Variants in CSMD2 observed in about 807,000 individuals in gnomAD.
CSMD2 encodes the protein CUB and Sushi multiple domains 2, also known as CUB and sushi domain-containing protein 2.
In CSMD2, 130 loss-of-function variants were observed where a neutral mutation model predicts 398.5. The ratio of observed to expected loss-of-function variants is 0.33; its 90% CI spans 0.28 to 0.38. CSMD2 has a LOEUF of 0.38. Ranked by LOEUF, CSMD2 falls within the 10% of genes least tolerant of loss-of-function variation. CSMD2 has a pLI of 1.00. For synonymous variants in CSMD2, 1,828 were observed against 1,908.5 expected, an observed-to-expected ratio of 0.96 and a Z score of 1.10; for missense variants, 3,829 against 4,764.9, an observed-to-expected ratio of 0.80 and a Z score of 5.78.
At chr1:34,114,294 T>TTTGTTG (rs71571768) in intron 1 of CSMD2, among the ~76,000 whole-genome samples, 8 of 150,658 alleles carry the variant, frequency 5.3e-5, no homozygotes, top group Non-Finnish European at 8.9e-5. Flanking sequence ...GGAGAACTCC[T>TTTGTTG]TTGTTGTTGT....
chr1:34,043,738 G>A (rs116821323), intron 2 of CSMD2, among the ~76,000 whole-genome samples: 1,927 of 152,272 alleles, frequency 0.013, 43 homozygotes, highest in African/African-American at 0.044. Context: ...TCCATTTCCA[G>A]TACTTTCAAG....
chr1:33,992,712 A>C (rs1646597013), intron 3 of CSMD2, among the ~76,000 whole-genome samples: 1 of 150,244 alleles, frequency 6.7e-6, no homozygotes, highest in African/African-American at 2.5e-5. Flanking sequence ...ACTAAAAATA[A>C]AAATAAAAAA....
At chr1:33,912,106 T>C (rs1643479026) in intron 5 of CSMD2, among the ~76,000 whole-genome samples, 1 of 152,212 alleles carries the variant, frequency 6.6e-6, no homozygotes, top group Admixed American at 6.5e-5. Context: ...GGTGCTCTCC[T>C]TTCTCTTCCT....
rs1428694767 is a variant in CSMD2 at position 33,624,300 on chromosome 1, T to A, written c.5625+219A>T. ...TCCCACCGCATGTCCCTGAAGCTCT[T>A]GGGGCCTGGAACCTGCTGTGTTTTC... On this transcript the variant is annotated intron_variant, in intron 35 of 70. Coordinates refer to ENST00000373381, the MANE Select transcript of CSMD2 (RefSeq NM_001281956.2). The surrounding 1 kb of genome is among the most constrained non-coding windows in gnomAD (Gnocchi z 4.7). 1.3e-5 allele frequency among the ~76,000 whole-genome samples: 2 copies of A among 152,158 alleles called. No individual in the cohort carries two copies.
intron 3 of CSMD2, among the ~76,000 whole-genome samples, chr1:34,019,629 G>A (rs1648605417): frequency 6.6e-6 from 1 of 152,148 alleles, no homozygotes; most frequent in African/African-American, 2.4e-5. Context: ...TTTGCCTCCT[G>A]TGACTGGTTT....
intron 43 of CSMD2, among the ~76,000 whole-genome samples, chr1:33,602,129 T>C (rs1045459079): frequency 1.3e-5 from 2 of 152,240 alleles, no homozygotes; most frequent in African/African-American, 4.8e-5. Flanking sequence ...TCCCTGGCCC[T>C]GGCAGGGTTG....
intron 1 of CSMD2, among the ~76,000 whole-genome samples, chr1:34,122,718 G>A (rs1226002722): frequency 6.6e-6 from 1 of 152,170 alleles, no homozygotes; most frequent in Non-Finnish European, 1.5e-5. Flanking sequence ...CAGGATTCAA[G>A]TTCTTTCTCA....
intron 1 of CSMD2, among the ~76,000 whole-genome samples, chr1:34,127,896 AGAG>A (rs1197254026): frequency 6.6e-6 from 1 of 151,804 alleles, no homozygotes; most frequent in African/African-American, 2.4e-5. Flanking sequence ...GGCTGCTCTG[AGAG>A]GAGTTGTTGA....
chr1:34,054,404 C>T (rs1432150479), intron 2 of CSMD2, among the ~76,000 whole-genome samples: 1 of 152,164 alleles, frequency 6.6e-6, no homozygotes, highest in Admixed American at 6.5e-5. Context: ...AACTTTTGTC[C>T]TTGGGTCTGA....
intron 64 of CSMD2, among the ~76,000 whole-genome samples, chr1:33,532,577 G>A (rs1407255457): frequency 6.6e-6 from 1 of 152,204 alleles, no homozygotes; most frequent in Non-Finnish European, 1.5e-5. Context: ...TCTTCCACAT[G>A]GCAGGGTTGT....
At chr1:33,525,612 G>T (rs1034308975) in intron 65 of CSMD2, among the ~76,000 whole-genome samples, 30 of 152,180 alleles carry the variant, frequency 2.0e-4, no homozygotes, top group African/African-American at 5.5e-4. Flanking sequence ...GGAGATATGA[G>T]TTTTGGTGAT....
Position 34,146,983 on chromosome 1 carries a change from C to T in CSMD2, c.187+17928G>A, listed in dbSNP as rs117937062. Among the ~76,000 whole-genome samples the T allele has an allele frequency of 2.0e-4, 31 of 152,280 alleles. No homozygotes were observed. In the East Asian group the frequency reaches 5.6e-3, roughly 27 times the overall value. ...GAATGAAATAAAGGATAAGGCCTGGCGCGGTGGCTCATGCCTGTAATCCCA... is the reference window on the plus strand; with the variant it reads ...GAATGAAATAAAGGATAAGGCCTGGTGCGGTGGCTCATGCCTGTAATCCCA... On this transcript the variant is annotated intron_variant, in intron 1 of 70. Coordinates refer to ENST00000373381, the MANE Select transcript of CSMD2 (RefSeq NM_001281956.2).
intron 3 of CSMD2, among the ~76,000 whole-genome samples, chr1:33,943,856 C>T (rs908172345): frequency 3.3e-5 from 5 of 150,322 alleles, no homozygotes; most frequent in African/African-American, 7.4e-5. Flanking sequence ...TAGTTGAAGC[C>T]GGAATGTGTT....
In CSMD2 at chr1:33,633,133, A is replaced by G. The variant is rs1240247623; in HGVS notation, c.5200+289T>C. Among the ~76,000 whole-genome samples the G allele has an allele frequency of 6.6e-6, 1 of 152,200 alleles. No individual in the cohort carries two copies. The highest frequency in any genetic ancestry group is 1.5e-5 in the Non-Finnish European group (1 of 68,028). ...GTTTTCTATAATGAAAATGCAATAC[A>G]TTTATAGTAAGAAAAAAAGTTGCAT... On this transcript the variant is annotated intron_variant, in intron 32 of 70. Coordinates refer to ENST00000373381, the MANE Select transcript of CSMD2 (RefSeq NM_001281956.2). The surrounding 1 kb of genome is among the most constrained non-coding windows in gnomAD (Gnocchi z 5.0).
Position 33,624,456 on chromosome 1 carries a change from C to CT in CSMD2, c.5625+62dup, listed in dbSNP as rs566312885. ...ACCAGCCAGCACCTGTGGTTGTCAC[C>CT]TGTGAGCTGTTACCTGGGAGCAGAC... On this transcript the variant is annotated intron_variant, in intron 35 of 70. Coordinates refer to ENST00000373381, the MANE Select transcript of CSMD2 (RefSeq NM_001281956.2). The surrounding 1 kb of genome is among the most constrained non-coding windows in gnomAD (Gnocchi z 4.7). The CT allele has an allele frequency of 2.9e-4, 459 of 1,592,434 alleles. 10 individuals are homozygous for CT. The South Asian group carries it at 5.0e-3, about 17-fold the overall frequency.
chr1:33,862,711 G>C (rs1455853480), intron 5 of CSMD2, among the ~76,000 whole-genome samples: 1 of 152,110 alleles, frequency 6.6e-6, no homozygotes. Context: ...CCCCTGGAGG[G>C]GCTTCCCTGG....
At position 34,019,215 on chromosome 1, in the gene CSMD2, G is replaced by A. The variant is rs542529438; in HGVS notation, c.517+13379C>T. On this transcript the variant is annotated intron_variant, in intron 3 of 70. Transcript: ENST00000373381. ...TGCTAGCTTTCATTATCATCCTGAC[G>A]ATCATCATCACCCAATGCATTTGCT... is the stretch of plus-strand genomic sequence containing the variant. Among the ~76,000 whole-genome samples, 11 of 152,284 alleles carry A rather than the reference G, an allele frequency of 7.2e-5. No homozygotes were observed. In the East Asian group the frequency reaches 1.2e-3, roughly 16 times the overall value.
chr1:33,533,838 G>T lies in CSMD2; in HGVS notation c.9949C>A (p.Leu3317Ile). 1 of 1,614,082 alleles carries T rather than the reference G, an allele frequency of 6.2e-7. No homozygotes were observed. The highest frequency in any genetic ancestry group is 8.5e-7 in the Non-Finnish European group (1 of 1,179,948). The part of the protein sequence containing the change: ...LLQGSTTRTC[L>I]PNLTWSGTPP... ...GTTCCACTCCAGGTCAGGTTTGGGAGGCAGGTCCTGGTGGTGGAGCCCTGA... is the reference window on the plus strand; with the variant it reads ...GTTCCACTCCAGGTCAGGTTTGGGATGCAGGTCCTGGTGGTGGAGCCCTGA... Residue 3317 changes from leucine to isoleucine, a missense_variant, in exon 63 of 71, where the codon CTC becomes ATC. By Grantham distance (5) the Leu-to-Ile change is conservative. Transcript: ENST00000373381. The surrounding 1 kb of genome is among the most constrained non-coding windows in gnomAD (Gnocchi z 4.2).
intron 25 of CSMD2, among the ~76,000 whole-genome samples, chr1:33,683,853 C>G (rs1308886763): frequency 6.6e-6 from 1 of 152,250 alleles, no homozygotes; most frequent in East Asian, 1.9e-4. Context: ...GTGTGCTTCT[C>G]TGTTCAGTTC....
Sources: gnomAD v4.1 joint callset for allele counts (sites outside exome capture counted in the v4.1 genomes callset) on GRCh38, gnomAD v4.1.1 for gene constraint, Gnocchi (gnomAD v3.1) non-coding constraint, MANE v1.5 for transcripts, NCBI Gene and HGNC (gene_info 2026-07-23, HGNC 2026-07-21) for gene names.